Variants in BAG2 observed in about 807,000 individuals in gnomAD.
BAG2 encodes BAG family molecular chaperone regulator 2.
A neutral mutation model predicts 16.4 loss-of-function variants in BAG2; 8 were observed. The ratio of observed to expected loss-of-function variants is 0.49; its 90% confidence interval spans 0.29 to 0.88. BAG2 has a LOEUF of 0.88. Ranked by LOEUF, BAG2 falls within the 40% of genes least tolerant of loss-of-function variation. BAG2 has a pLI of 0.09. For synonymous variants in BAG2, 82 were observed against 89.2 expected, an observed-to-expected ratio of 0.92 and a Z score of 0.46; for missense variants, 218 against 248.9, an observed-to-expected ratio of 0.88 and a Z score of 0.84.
rs576568121 is a variant in BAG2 at position 57,179,016 on chromosome 6, C to A, written c.114-3016C>A. On this transcript the variant is annotated intron_variant, in intron 1 of 2. Transcript: ENST00000370693. ...TATCATCTTACAATTGAATACAAACCGAAAAGGTGTTGAAAAATTAATCTC... is the reference window on the plus strand; with the variant it reads ...TATCATCTTACAATTGAATACAAACAGAAAAGGTGTTGAAAAATTAATCTC... 3.3e-5 allele frequency among the ~76,000 whole-genome samples: 5 copies of A among 152,260 alleles called. No homozygotes were observed. In the South Asian group the frequency reaches 1.0e-3, roughly 32 times the overall value.
At chr6:57,176,420 A>G (rs540547017) in intron 1 of BAG2, among the ~76,000 whole-genome samples, 9 of 152,316 alleles carry the variant, frequency 5.9e-5, no homozygotes, top group Admixed American at 3.3e-4. Flanking sequence ...AAGAGATAAA[A>G]ATTCAATCTA....
rs1229666177 is a variant in BAG2, at chr6:57,188,418, C to T, written c.*4228C>T. ...ATATTACAGGAACTGTAACTATCCT[C>T]AGAGATTACTTTTTTTAAATATAGA... On this transcript the variant is annotated 3_prime_UTR_variant, in exon 3 of 3. Transcript: ENST00000370693. 6.6e-6 allele frequency: 1 copy of T among 152,156 alleles called. No individual in the cohort carries two copies. The highest frequency in any genetic ancestry group is 2.4e-5 in the African/African-American group (1 of 41,448). 9.4% of individuals were successfully genotyped at this position (152,156 alleles called of 1,614,324 possible).
intron 2 of BAG2, among the ~76,000 whole-genome samples, chr6:57,183,508 T>A (rs1764531784): frequency 1.3e-5 from 2 of 152,214 alleles, no homozygotes; most frequent in Non-Finnish European, 2.9e-5. Flanking sequence ...TCCATCCCAG[T>A]TACAAATGCA....
At position 57,186,490 on chromosome 6, in the gene BAG2, G is replaced by T. The variant is rs1764616320; in HGVS notation, c.*2300G>T. 1 of 152,156 alleles carries T rather than the reference G, an allele frequency of 6.6e-6. No homozygotes were observed. Among genetic ancestry groups the T allele is most frequent in the Non-Finnish European group, 1.5e-5 (1 of 68,090 alleles). The allele number at this position is 152,156 out of a possible 1,614,324, so 9.4% of individuals were successfully genotyped here. The stretch of plus-strand genomic sequence containing the variant: ...CACCACCACGCCCGGCTAAATTTTT[G>T]TATTTTTAGTAGACATGGGGTTTCA... On this transcript the variant is annotated 3_prime_UTR_variant, in exon 3 of 3. Transcript: ENST00000370693.
At chr6:57,174,468 C>A in intron 1 of BAG2, 1 of 1,123,556 alleles carries the variant, frequency 8.9e-7, no homozygotes, top group Non-Finnish European at 1.2e-6. Flanking sequence ...TTATATTCTA[C>A]TGTTTGATTA....
intron 1 of BAG2, among the ~76,000 whole-genome samples, chr6:57,181,123 G>C (rs948328884): frequency 2.6e-5 from 4 of 152,210 alleles, no homozygotes; most frequent in Admixed American, 2.6e-4. Context: ...CTTTGCTGTG[G>C]AGAGTGGATA....
rs1282008089 is a variant in BAG2 at position 57,172,714 on chromosome 6, TC to T, written c.18del (p.Asn7ThrfsTer36). The stretch of plus-strand genomic sequence containing the variant: ...GAGGCTTAGATGGCTCAGGCGAAGA[TC>T]AACGCTAAAGCCAACGAGGGGCGCT... MAQAK[I>X]NAKANEGRFC... is the part of the protein sequence containing the mutation. On this transcript the variant is annotated frameshift_variant, in exon 1 of 3. Coordinates refer to ENST00000370693, the MANE Select transcript of BAG2 (RefSeq NM_004282.4). LOFTEE classifies it high-confidence loss of function. 1.3e-6 allele frequency: 2 copies of T among 1,573,876 alleles called. No individual in the cohort carries two copies. Among genetic ancestry groups the T allele is most frequent in the Non-Finnish European group, 1.7e-6 (2 of 1,163,084 alleles).
At chr6:57,175,343 C>T (rs1229317502) in intron 1 of BAG2, among the ~76,000 whole-genome samples, 1 of 152,100 alleles carries the variant, frequency 6.6e-6, no homozygotes, top group Non-Finnish European at 1.5e-5. Flanking sequence ...TGTTATAGTT[C>T]CTGGCTCATA....
In BAG2 at chr6:57,172,662, C is replaced by A; in HGVS notation, c.-36C>A. On this transcript the variant is annotated 5_prime_UTR_variant, in exon 1 of 3. Transcript: ENST00000370693. ...CTCCACTCGCTGCCGCCGGAGGGGC[C>A]GGTGACCTCTTGGCTACCCCGCGTC... The A allele has an allele frequency of 6.9e-7, 1 of 1,456,392 alleles. No individual in the cohort carries two copies. Among genetic ancestry groups the A allele is most frequent in the Non-Finnish European group, 9.2e-7 (1 of 1,092,262 alleles). 90.2% of individuals were successfully genotyped at this position (1,456,392 alleles called of 1,614,324 possible). A position where few individuals can be genotyped will look rare whatever the true frequency, so the allele number is the denominator to read the frequency against.
intron 1 of BAG2, chr6:57,173,155 C>T: frequency 2.0e-6 from 2 of 1,012,226 alleles, no homozygotes; most frequent in Non-Finnish European, 2.4e-6. Context: ...AGGACTGTGG[C>T]AGCTTGGGTC....
Position 57,184,947 on chromosome 6 carries a change from T to C in BAG2, c.*757T>C, listed in dbSNP as rs550389869. 3 of 152,392 alleles carry C rather than the reference T, an allele frequency of 2.0e-5. No homozygotes were observed. Among genetic ancestry groups the C allele is most frequent in the African/African-American group, 7.2e-5 (3 of 41,574 alleles). The allele number at this position is 152,392 out of a possible 1,614,324, so 9.4% of individuals were successfully genotyped here. On this transcript the variant is annotated 3_prime_UTR_variant, in exon 3 of 3. Coordinates refer to ENST00000370693, the MANE Select transcript of BAG2 (RefSeq NM_004282.4). ...TTAATTGTCAACTTAATGAGCTCTA[T>C]TTTGTGTAGTTATATCTTTATCCAT...
intron 1 of BAG2, chr6:57,173,750 A>G (rs1764197411): frequency 6.2e-6 from 1 of 161,254 alleles, no homozygotes; most frequent in Non-Finnish European, 1.3e-5. Context: ...CAATTCCGTG[A>G]AACTGTACAC....
At chr6:57,177,731 C>A (rs963324088) in intron 1 of BAG2, among the ~76,000 whole-genome samples, 3 of 152,100 alleles carry the variant, frequency 2.0e-5, no homozygotes, top group Admixed American at 1.3e-4. Flanking sequence ...GGCGACTGAC[C>A]CATTTGCACA....
intron 1 of BAG2, among the ~76,000 whole-genome samples, chr6:57,174,604 G>T (rs1233310407): frequency 1.3e-5 from 2 of 152,008 alleles, no homozygotes; most frequent in African/African-American, 4.8e-5. Flanking sequence ...TAGTAATTCT[G>T]GACTTTTGTA....
In BAG2 at chr6:57,182,707, A is replaced by G. The variant is rs371863901; in HGVS notation, c.223+566A>G. On this transcript the variant is annotated intron_variant, in intron 2 of 2. Transcript: ENST00000370693. The stretch of plus-strand genomic sequence containing the variant: ...TACTCGTCACCCAGGCTGGAGTGCA[A>G]TGGCGCGATCTTGGCTCACTGCAAC... Among the ~76,000 whole-genome samples, 146 of 152,090 alleles carry G rather than the reference A, an allele frequency of 9.6e-4. 1 individual carries two copies. Among genetic ancestry groups the G allele is most frequent in the African/African-American group, 3.4e-3 (141 of 41,492 alleles).
chr6:57,188,426 AC>A lies in BAG2; in HGVS notation c.*4237del, dbSNP rs1764695597. The stretch of plus-strand genomic sequence containing the variant: ...GGAACTGTAACTATCCTCAGAGATT[AC>A]TTTTTTTAAATATAGAAAGGTAACA... On this transcript the variant is annotated 3_prime_UTR_variant, in exon 3 of 3. Coordinates refer to ENST00000370693, the MANE Select transcript of BAG2 (RefSeq NM_004282.4). 1 of 152,348 alleles carries A rather than the reference AC, an allele frequency of 6.6e-6. No individual in the cohort carries two copies. Among genetic ancestry groups the A allele is most frequent in the South Asian group, 2.1e-4 (1 of 4,828 alleles). 9.4% of individuals were successfully genotyped at this position (152,348 alleles called of 1,614,324 possible).
chr6:57,182,723 T>G lies in BAG2; in HGVS notation c.223+582T>G, dbSNP rs190303395. ...TGGAGTGCAATGGCGCGATCTTGGC[T>G]CACTGCAACCTCTGCCTCCTGGGTT... On this transcript the variant is annotated intron_variant, in intron 2 of 2. Coordinates refer to ENST00000370693, the MANE Select transcript of BAG2 (RefSeq NM_004282.4). 4.6e-5 allele frequency among the ~76,000 whole-genome samples: 7 copies of G among 152,154 alleles called. 1 individual carries two copies. The highest frequency in any genetic ancestry group is 3.3e-4 in the Admixed American group (5 of 15,272).
chr6:57,172,980 T>C lies in BAG2; in HGVS notation c.113+170T>C, dbSNP rs1764169769. ...TGTGGATGGACGTGGTGTAGTTTTGTTTGTTTCTTGGATTATCTCCCCTAG... is the reference window on the plus strand; with the variant it reads ...TGTGGATGGACGTGGTGTAGTTTTGCTTGTTTCTTGGATTATCTCCCCTAG... On this transcript the variant is annotated intron_variant, in intron 1 of 2. Coordinates refer to ENST00000370693, the MANE Select transcript of BAG2 (RefSeq NM_004282.4). 4 of 709,236 alleles carry C rather than the reference T, an allele frequency of 5.6e-6. No individual in the cohort carries two copies. The East Asian group carries it at 1.0e-4, about 18-fold the overall frequency. The allele number at this position is 709,236 out of a possible 1,614,324, so 43.9% of individuals were successfully genotyped here. A position where few individuals can be genotyped will look rare whatever the true frequency, so the allele number is the denominator to read the frequency against.
chr6:57,183,531 C>T (rs546576586), intron 2 of BAG2, among the ~76,000 whole-genome samples: 1 of 152,320 alleles, frequency 6.6e-6, no homozygotes, highest in Admixed American at 6.5e-5. Flanking sequence ...CCTACCCAAA[C>T]TTTTGCAGAC....
Sources: allele counts gnomAD v4.1 joint callset (sites outside exome capture counted in the v4.1 genomes callset), GRCh38; gene constraint gnomAD v4.1.1; transcripts MANE v1.5; gene names NCBI Gene and HGNC (gene_info 2026-07-23, HGNC 2026-07-21).